TTC27: variants seen among roughly 807,000 people sequenced by gnomAD.
TTC27 encodes the protein tetratricopeptide repeat protein 27.
In TTC27, 79 loss-of-function variants were observed where a neutral mutation model predicts 115.9. The observed-to-expected ratio is 0.68, with a 90% CI of 0.57 to 0.82. The LOEUF (loss-of-function observed/expected upper bound fraction) is 0.82. Ranked by LOEUF, TTC27 falls within the 40% of genes least tolerant of loss-of-function variation. The pLI is 0.00. For synonymous variants in TTC27, 401 were observed against 356.0 expected, an observed-to-expected ratio of 1.13 and a Z score of -1.42; for missense variants, 1,054 against 993.1, an observed-to-expected ratio of 1.06 and a Z score of -0.82.
At chr2:32,648,626 A>G (rs1340274912) in intron 4 of TTC27, among the ~76,000 whole-genome samples, 1 of 151,742 alleles carries the variant, frequency 6.6e-6, no homozygotes, top group Non-Finnish European at 1.5e-5. Flanking sequence ...TTTTAAGTAA[A>G]TATATGTTGA....
chr2:32,629,661 G>T (rs1321825708), intron 1 of TTC27, among the ~76,000 whole-genome samples: 1 of 147,816 alleles, frequency 6.8e-6, no homozygotes, highest in Non-Finnish European at 1.5e-5. Flanking sequence ...GGATGGTCTC[G>T]ATCTCCTGAC....
In TTC27 at chr2:32,810,963, CTT is replaced by C. The variant is rs780761661; in HGVS notation, c.1999-59_1999-58del. On this transcript the variant is annotated intron_variant, in intron 16 of 19. Coordinates refer to ENST00000317907, the MANE Select transcript of TTC27 (RefSeq NM_017735.5). Reference sequence around the variant, plus strand: ...TGTCTTTGATGATGGTGAGATAGCTCTTTGTTTTTGTTATTGTTTGTTGGTTT... The same window carrying C: ...TGTCTTTGATGATGGTGAGATAGCTCTGTTTTTGTTATTGTTTGTTGGTTT... The C allele has an allele frequency of 1.7e-5, 26 of 1,556,466 alleles. No homozygotes were observed. In the East Asian group the frequency reaches 2.0e-4, roughly 12 times the overall value.
At chr2:32,741,947 A>G (rs1668662616) in intron 12 of TTC27, among the ~76,000 whole-genome samples, 1 of 152,240 alleles carries the variant, frequency 6.6e-6, no homozygotes, top group Non-Finnish European at 1.5e-5. Context: ...AGAAATAGGA[A>G]CAAACCTTAA....
chr2:32,746,597 A>G (rs1439331641), intron 12 of TTC27, among the ~76,000 whole-genome samples: 6 of 150,060 alleles, frequency 4.0e-5, no homozygotes, highest in Non-Finnish European at 8.9e-5. Flanking sequence ...GCACATCTGT[A>G]TATTCCCATG....
chr2:32,670,982 T>G (rs1352803087), intron 7 of TTC27, among the ~76,000 whole-genome samples: 1 of 150,458 alleles, frequency 6.6e-6, no homozygotes, highest in East Asian at 1.9e-4. Context: ...TTCTCCATAT[T>G]CTGGATGCAA....
chr2:32,789,288 C>A (rs17012284), intron 16 of TTC27, among the ~76,000 whole-genome samples: 2 of 152,122 alleles, frequency 1.3e-5, no homozygotes, highest in African/African-American at 4.8e-5. Context: ...GTTACAATAG[C>A]TGAAAAGGTA....
intron 10 of TTC27, among the ~76,000 whole-genome samples, chr2:32,721,819 A>G (rs1667941976): frequency 6.6e-6 from 1 of 151,820 alleles, no homozygotes; most frequent in Non-Finnish European, 1.5e-5. Flanking sequence ...TCATTTTTTT[A>G]GAGGTGAGAT....
chr2:32,759,998 T>G (rs936853440), intron 13 of TTC27, among the ~76,000 whole-genome samples: 2 of 152,366 alleles, frequency 1.3e-5, no homozygotes, highest in African/African-American at 4.8e-5. Flanking sequence ...CATCTGTTGA[T>G]GGATACTTGG....
intron 5 of TTC27, among the ~76,000 whole-genome samples, chr2:32,651,821 C>CTA (rs1665137992): frequency 6.6e-6 from 1 of 152,154 alleles, no homozygotes; most frequent in African/African-American, 2.4e-5. Context: ...AAATGACCAT[C>CTA]TATACATAAT....
intron 12 of TTC27, among the ~76,000 whole-genome samples, chr2:32,745,449 C>A (rs1668791979): frequency 6.6e-6 from 1 of 152,162 alleles, no homozygotes; most frequent in African/African-American, 2.4e-5. Context: ...GCCATCTCAT[C>A]TGATAGGAAC....
intron 6 of TTC27, 56 bp downstream of exon 6, chr2:32,664,523 A>G (rs1293248477): frequency 2.0e-6 from 3 of 1,476,544 alleles, no homozygotes; most frequent in Non-Finnish European, 1.8e-6. Context: ...AACTATATAC[A>G]TTGGCAGTTT....
At chr2:32,634,049 T>C in intron 3 of TTC27, 44 bp downstream of exon 3, 1 of 1,568,020 alleles carries the variant, frequency 6.4e-7, no homozygotes, top group Non-Finnish European at 8.6e-7. Flanking sequence ...ATTATGTTAT[T>C]TATTTTTTAT....
intron 7 of TTC27, among the ~76,000 whole-genome samples, chr2:32,669,811 A>G (rs945968290): frequency 6.9e-6 from 1 of 144,514 alleles, no homozygotes; most frequent in Admixed American, 7.3e-5. Context: ...GCCTGAACCC[A>G]GGAGGTGGAG....
chr2:32,797,283 A>C (rs976200767), intron 16 of TTC27, among the ~76,000 whole-genome samples: 2 of 152,050 alleles, frequency 1.3e-5, no homozygotes, highest in Non-Finnish European at 2.9e-5. Context: ...GGGCTCAAGC[A>C]GCCCTCCTGC....
At chr2:32,736,963 C>A (rs1299161501) in intron 12 of TTC27, 147 bp downstream of exon 12, 5 of 1,166,052 alleles carry the variant, frequency 4.3e-6, no homozygotes, top group Non-Finnish European at 5.9e-6. Context: ...TAAATGTTTT[C>A]TCTGATTTCC....
intron 4 of TTC27, among the ~76,000 whole-genome samples, chr2:32,641,629 T>C (rs1664651881): frequency 2.0e-5 from 3 of 152,194 alleles, no homozygotes; most frequent in Non-Finnish European, 2.9e-5. Flanking sequence ...ATCTAAATTT[T>C]ATGTGAAATC....
At chr2:32,760,851 G>A (rs1053898118) in intron 13 of TTC27, among the ~76,000 whole-genome samples, 17 of 152,096 alleles carry the variant, frequency 1.1e-4, no homozygotes, top group Non-Finnish European at 1.9e-4. Context: ...CAACACATCA[G>A]CATTATCCTT....
intron 16 of TTC27, among the ~76,000 whole-genome samples, chr2:32,802,232 T>G (rs981198622): frequency 6.6e-6 from 1 of 152,208 alleles, no homozygotes; most frequent in African/African-American, 2.4e-5. Flanking sequence ...AAATTTACCT[T>G]TATAACTTGT....
intron 16 of TTC27, among the ~76,000 whole-genome samples, chr2:32,805,597 T>C (rs1380520264): frequency 6.6e-6 from 1 of 152,214 alleles, no homozygotes; most frequent in Non-Finnish European, 1.5e-5. Context: ...TATCAAGAGC[T>C]GACACCATGG....
Sources: allele counts gnomAD v4.1 joint callset (sites outside exome capture counted in the v4.1 genomes callset), GRCh38; gene constraint gnomAD v4.1.1; transcripts MANE v1.5; gene names NCBI Gene and HGNC (gene_info 2026-07-23, HGNC 2026-07-21).